ME3: variants seen among roughly 807,000 people sequenced by gnomAD.
ME3 encodes malic enzyme 3.
Under a neutral mutation model 68.9 loss-of-function variants are expected in ME3, and 48 were observed. The ratio of observed to expected loss-of-function variants is 0.70; its 90% CI spans 0.55 to 0.89. ME3 has a LOEUF of 0.89. Among genes scored for constraint, ME3 ranks in the 40% least tolerant of loss-of-function variants. The pLI, the probability that ME3 is intolerant of heterozygous loss-of-function variation, is 0.00. For missense variants in ME3, 675 were observed against 797.4 expected, an observed-to-expected ratio of 0.85 and a Z score of 1.85; for synonymous variants, 320 against 318.8, an observed-to-expected ratio of 1.00 and a Z score of -0.04.
At chr11:86,527,609 A>C (rs979232788) in intron 4 of ME3, among the ~76,000 whole-genome samples, 1 of 152,206 alleles carries the variant, frequency 6.6e-6, no homozygotes, top group African/African-American at 2.4e-5. Context: ...CCAGAGAGAA[A>C]GGTTGGGTTA....
At chr11:86,523,456 C>T (rs1035889545) in intron 4 of ME3, among the ~76,000 whole-genome samples, 2 of 152,148 alleles carry the variant, frequency 1.3e-5, no homozygotes, top group African/African-American at 4.8e-5. Flanking sequence ...CTATAGAAGA[C>T]AGGCTTCTAT....
intron 2 of ME3, among the ~76,000 whole-genome samples, chr11:86,645,689 A>G (rs770443791): frequency 9.8e-5 from 15 of 152,318 alleles, no homozygotes; most frequent in South Asian, 4.1e-4. Context: ...CAGCACAGCA[A>G]TCGAGCTCTG....
chr11:86,474,978 G>A (rs1950977593), intron 7 of ME3, among the ~76,000 whole-genome samples: 1 of 152,250 alleles, frequency 6.6e-6, no homozygotes, highest in African/African-American at 2.4e-5. Flanking sequence ...TGAATAAATA[G>A]GAAAACAAAT....
intron 2 of ME3, among the ~76,000 whole-genome samples, chr11:86,661,353 G>A (rs573113423): frequency 6.6e-6 from 1 of 152,326 alleles, no homozygotes; most frequent in African/African-American, 2.4e-5. Flanking sequence ...AAGTGGATCC[G>A]GTATGGATGG....
intron 5 of ME3, among the ~76,000 whole-genome samples, chr11:86,499,557 G>A (rs1045614613): frequency 2.6e-5 from 4 of 152,148 alleles, no homozygotes; most frequent in African/African-American, 9.7e-5. Context: ...TTCTTTCCCT[G>A]GAAGAGTTTA....
intron 2 of ME3, among the ~76,000 whole-genome samples, chr11:86,621,328 G>GAAATAATATCTATTTGT (rs1943336377): frequency 6.6e-6 from 1 of 150,488 alleles, no homozygotes; most frequent in African/African-American, 2.5e-5. Context: ...AGAATTCATG[G>GAAATAATATCTATTTGT]GATTTAAGAA....
chr11:86,617,044 A>ATTTTTTTTT (rs1943006030), intron 2 of ME3, among the ~76,000 whole-genome samples: 1 of 43,846 alleles, frequency 2.3e-5, no homozygotes, highest in Non-Finnish European at 5.3e-5. Context: ...CCAAGATAGT[A>ATTTTTTTTT]GTTTTTTTTT....
intron 2 of ME3, among the ~76,000 whole-genome samples, chr11:86,666,997 A>G (rs1946626667): frequency 6.6e-6 from 1 of 152,240 alleles, no homozygotes; most frequent in Admixed American, 6.5e-5. Flanking sequence ...ATAAATCATC[A>G]TTGAATACAG....
At chr11:86,536,715 G>T (rs12787395) in intron 4 of ME3, among the ~76,000 whole-genome samples, 16,148 of 144,048 alleles carry the variant, frequency 0.11, 1,092 homozygotes, top group African/African-American at 0.2. Flanking sequence ...AACCATTGTG[G>T]AAGTCAGTGT....
At chr11:86,516,014 A>T (rs1467427078) in intron 4 of ME3, among the ~76,000 whole-genome samples, 1 of 152,160 alleles carries the variant, frequency 6.6e-6, no homozygotes, top group East Asian at 1.9e-4. Context: ...CTGAACACTC[A>T]TCAAGGCTAA....
At chr11:86,640,527 C>T (rs1179849611) in intron 2 of ME3, among the ~76,000 whole-genome samples, 6 of 152,220 alleles carry the variant, frequency 3.9e-5, no homozygotes, top group Non-Finnish European at 8.8e-5. Context: ...TTCACACTGA[C>T]TGGACAGGCC....
intron 2 of ME3, among the ~76,000 whole-genome samples, chr11:86,655,237 G>GA (rs1266161802): frequency 1.3e-5 from 2 of 151,996 alleles, no homozygotes; most frequent in East Asian, 1.9e-4. Context: ...CACAGAATTG[G>GA]AAAAAACTAC....
intron 8 of ME3, among the ~76,000 whole-genome samples, chr11:86,452,886 T>A (rs1949708910): frequency 6.6e-6 from 1 of 152,258 alleles, no homozygotes; most frequent in Non-Finnish European, 1.5e-5. Flanking sequence ...GACTAAAATG[T>A]CTGTTGGGAC....
chr11:86,449,383 G>C (rs139703204), intron 10 of ME3, among the ~76,000 whole-genome samples: 1 of 152,320 alleles, frequency 6.6e-6, no homozygotes, highest in East Asian at 1.9e-4. Flanking sequence ...TAGTCTAGTG[G>C]GGAAACTGGA....
intron 2 of ME3, among the ~76,000 whole-genome samples, chr11:86,637,349 C>CAAAAAAAAAAAAAAAAAAAA (rs11402713): frequency 1.6e-5 from 2 of 122,080 alleles, no homozygotes; most frequent in Non-Finnish European, 3.4e-5. Flanking sequence ...ACAAGAAGCA[C>CAAAAAAAAAAAAAAAAAAAA]AAAAAAAAAA....
At chr11:86,495,583 T>C (rs1477172580) in intron 6 of ME3, among the ~76,000 whole-genome samples, 1 of 152,234 alleles carries the variant, frequency 6.6e-6, no homozygotes, top group African/African-American at 2.4e-5. Flanking sequence ...CAAAGTTTGC[T>C]GCGCTCATCC....
intron 13 of ME3, among the ~76,000 whole-genome samples, chr11:86,445,399 C>G (rs1949229689): frequency 6.6e-6 from 1 of 152,198 alleles, no homozygotes; most frequent in African/African-American, 2.4e-5. Flanking sequence ...GAAGTGGATC[C>G]AGACAGGGCT....
chr11:86,519,690 T>G (rs1229600974), intron 4 of ME3, among the ~76,000 whole-genome samples: 1 of 152,224 alleles, frequency 6.6e-6, no homozygotes, highest in Non-Finnish European at 1.5e-5. Flanking sequence ...TCTGAGAACC[T>G]GCAAGATGCT....
At chr11:86,527,600 CAGAG>C (rs1296360781) in intron 4 of ME3, among the ~76,000 whole-genome samples, 4 of 152,092 alleles carry the variant, frequency 2.6e-5, no homozygotes, top group Non-Finnish European at 5.9e-5. Context: ...TGAGGGCAGC[CAGAG>C]AGAAAGGTTG....
Sources: gnomAD v4.1 joint callset for allele counts (sites outside exome capture counted in the v4.1 genomes callset) on GRCh38, gnomAD v4.1.1 for gene constraint, MANE v1.5 for transcripts, NCBI Gene and HGNC (gene_info 2026-07-23, HGNC 2026-07-21) for gene names.